Variants in EPHB1 observed in about 807,000 individuals in gnomAD.
The protein encoded by EPHB1 is ephrin type-B receptor 1.
In EPHB1, 30 loss-of-function variants were observed where a neutral mutation model predicts 94.4. The observed-to-expected ratio is 0.32, with a 90% CI of 0.24 to 0.43. The LOEUF (loss-of-function observed/expected upper bound fraction) is 0.43, where lower values mean the gene tolerates loss of function less well. EPHB1 is among the 20% of genes least tolerant of loss of function. The pLI, the probability that EPHB1 is intolerant of heterozygous loss-of-function variation, is 1.00. For synonymous variants in EPHB1, 522 were observed against 489.1 expected, an observed-to-expected ratio of 1.07 and a Z score of -0.89; for missense variants, 1,055 against 1,308.3, an observed-to-expected ratio of 0.81 and a Z score of 2.99.
intron 13 of EPHB1, among the ~76,000 whole-genome samples, chr3:135,246,549 A>G (rs1465531611): frequency 6.6e-6 from 1 of 152,160 alleles, no homozygotes; most frequent in Non-Finnish European, 1.5e-5. Flanking sequence ...AAAACTTAAA[A>G]TCAAGCACCG....
intron 1 of EPHB1, among the ~76,000 whole-genome samples, chr3:134,823,406 A>G (rs2036418590): frequency 6.6e-6 from 1 of 152,202 alleles, no homozygotes; most frequent in Admixed American, 6.5e-5. Context: ...AATGTCTGCC[A>G]GGGGTTGTGC....
chr3:135,019,937 G>A (rs892101987), intron 3 of EPHB1, among the ~76,000 whole-genome samples: 1 of 152,150 alleles, frequency 6.6e-6, no homozygotes, highest in Admixed American at 6.5e-5. Flanking sequence ...TCTGTACTTG[G>A]CAATGAGTCT....
chr3:134,858,115 CTT>C (rs1327204691), intron 1 of EPHB1, among the ~76,000 whole-genome samples: 8 of 151,900 alleles, frequency 5.3e-5, no homozygotes, highest in Admixed American at 1.3e-4. Flanking sequence ...GCTGAGGACT[CTT>C]TCACTTGCTC....
chr3:135,159,249 T>A lies in EPHB1; in HGVS notation c.1423-2769T>A, dbSNP rs140524970. ...TACTGATTTGCCTGAAATTGATTAATGATTTTGTGGGGAACAAGAACTAAT... is the reference window on the plus strand; with the variant it reads ...TACTGATTTGCCTGAAATTGATTAAAGATTTTGTGGGGAACAAGAACTAAT... On this transcript the variant is annotated intron_variant, in intron 6 of 15. Coordinates refer to ENST00000398015, the MANE Select transcript of EPHB1 (RefSeq NM_004441.5). 2.3e-3 allele frequency among the ~76,000 whole-genome samples: 350 copies of A among 152,384 alleles called. 4 individuals carry two copies. Among genetic ancestry groups the A allele is most frequent in the African/African-American group, 8.0e-3 (332 of 41,606 alleles).
intron 15 of EPHB1, among the ~76,000 whole-genome samples, chr3:135,251,450 C>T (rs2107732807): frequency 6.6e-6 from 1 of 151,772 alleles, no homozygotes; most frequent in East Asian, 1.9e-4. Context: ...TTCTCTTAGT[C>T]TGAGAATAAT....
chr3:135,094,228 G>A lies in EPHB1; in HGVS notation c.806-12220G>A, dbSNP rs139997810. 3.2e-3 allele frequency among the ~76,000 whole-genome samples: 485 copies of A among 152,322 alleles called. 2 individuals carry two copies. Among genetic ancestry groups the A allele is most frequent in the African/African-American group, 0.011 (447 of 41,568 alleles). ...GCTGGTGTCTGGCTGCTGTGAACCTGCTCTGTCCCACTCCCCTCCATGCTG... is the reference window on the plus strand; with the variant it reads ...GCTGGTGTCTGGCTGCTGTGAACCTACTCTGTCCCACTCCCCTCCATGCTG... On this transcript the variant is annotated intron_variant, in intron 3 of 15. Coordinates refer to ENST00000398015, the MANE Select transcript of EPHB1 (RefSeq NM_004441.5).
chr3:135,036,950 C>T (rs1936664701), intron 3 of EPHB1, among the ~76,000 whole-genome samples: 1 of 152,068 alleles, frequency 6.6e-6, no homozygotes, highest in South Asian at 2.1e-4. Flanking sequence ...ATTCGGGCAG[C>T]CAAGTGTCAG....
At chr3:135,062,449 T>G (rs1237278522) in intron 3 of EPHB1, among the ~76,000 whole-genome samples, 1 of 152,246 alleles carries the variant, frequency 6.6e-6, no homozygotes, top group African/African-American at 2.4e-5. Flanking sequence ...TTAGTGATGC[T>G]GAGCATTTTT....
intron 3 of EPHB1, among the ~76,000 whole-genome samples, chr3:135,073,465 C>G (rs1198004091): frequency 3.3e-5 from 5 of 152,202 alleles, no homozygotes; most frequent in African/African-American, 1.2e-4. Flanking sequence ...CTGGCTTTAA[C>G]TAATTCCTTA....
chr3:135,214,411 C>T (rs1159050656), intron 12 of EPHB1, among the ~76,000 whole-genome samples: 2 of 152,220 alleles, frequency 1.3e-5, no homozygotes, highest in Non-Finnish European at 2.9e-5. Flanking sequence ...TGCTCTAGGG[C>T]ACCAGGCATG....
intron 9 of EPHB1, among the ~76,000 whole-genome samples, chr3:135,175,688 A>G (rs898108554): frequency 6.6e-6 from 1 of 152,214 alleles, no homozygotes; most frequent in Non-Finnish European, 1.5e-5. Context: ...CAATATTTAT[A>G]TTAGGAATAA....
chr3:135,162,425 G>T (rs576094914), intron 7 of EPHB1, among the ~76,000 whole-genome samples: 1 of 152,296 alleles, frequency 6.6e-6, no homozygotes, highest in South Asian at 2.1e-4. Flanking sequence ...TTGCATTTCA[G>T]CAGTGAGACT....
rs1265763606 is a variant in EPHB1, at chr3:134,935,013, A to G, written c.123+9133A>G. On this transcript the variant is annotated intron_variant, in intron 2 of 15. Transcript: ENST00000398015. ...CCCAAGAGGACAGTAGCCCCACTAC[A>G]CCCCTTGTCCCAGTCTTGGAAACCT... is the stretch of plus-strand genomic sequence containing the variant. Among the ~76,000 whole-genome samples, 3 of 152,196 alleles carry G rather than the reference A, an allele frequency of 2.0e-5. No individual in the cohort carries two copies. In the East Asian group the frequency reaches 5.8e-4, roughly 29 times the overall value.
At chr3:135,231,933 T>G (rs770261734) in intron 12 of EPHB1, among the ~76,000 whole-genome samples, 20 of 152,154 alleles carry the variant, frequency 1.3e-4, no homozygotes, top group Non-Finnish European at 2.8e-4. Context: ...ACCATCAAGA[T>G]TGTGGCTTCT....
intron 3 of EPHB1, among the ~76,000 whole-genome samples, chr3:135,038,463 G>C (rs1180484771): frequency 6.6e-6 from 1 of 152,206 alleles, no homozygotes; most frequent in Non-Finnish European, 1.5e-5. Flanking sequence ...TTCAGGGAGA[G>C]AGAGATAGGC....
At chr3:135,013,263 T>G (rs1479489326) in intron 3 of EPHB1, among the ~76,000 whole-genome samples, 1 of 152,144 alleles carries the variant, frequency 6.6e-6, no homozygotes, top group Non-Finnish European at 1.5e-5. Flanking sequence ...ATATCGGGAT[T>G]GAGTGAGTAG....
At chr3:134,798,630 G>A (rs932184423) in intron 1 of EPHB1, among the ~76,000 whole-genome samples, 1 of 152,174 alleles carries the variant, frequency 6.6e-6, no homozygotes, top group Non-Finnish European at 1.5e-5. Context: ...CTGCCTTCTG[G>A]ACACAAAGCC....
At chr3:134,822,825 G>A (rs1023691323) in intron 1 of EPHB1, among the ~76,000 whole-genome samples, 1 of 152,220 alleles carries the variant, frequency 6.6e-6, no homozygotes, top group African/African-American at 2.4e-5. Context: ...GAGATTGTTT[G>A]TGGGAGTTGG....
intron 4 of EPHB1, among the ~76,000 whole-genome samples, chr3:135,128,115 G>C (rs1292068404): frequency 6.6e-6 from 1 of 152,252 alleles, no homozygotes; most frequent in Non-Finnish European, 1.5e-5. Context: ...ATGGAGCTTA[G>C]ACGGGGAGAC....
Sources: allele counts gnomAD v4.1 joint callset (sites outside exome capture counted in the v4.1 genomes callset), GRCh38; gene constraint gnomAD v4.1.1; transcripts MANE v1.5; gene names NCBI Gene and HGNC (gene_info 2026-07-23, HGNC 2026-07-21).